The following APLP2 variants were observed in gnomAD, a reference collection of about 807,000 sequenced individuals.
APLP2 encodes the protein amyloid beta precursor like protein 2.
APLP2 carries 53 observed loss-of-function variants against 89.9 expected under a neutral mutation model. The observed-to-expected ratio is 0.59, with a 90% CI of 0.47 to 0.74. The LOEUF is 0.74. Ranked by LOEUF, APLP2 falls within the 30% of genes least tolerant of loss-of-function variation. The pLI, the probability that APLP2 is intolerant of heterozygous loss-of-function variation, is 0.00. For missense variants in APLP2, 973 were observed against 975.9 expected (o/e 1.00, Z 0.04); for synonymous variants, 372 against 348.6 (o/e 1.07, Z -0.75).
chr11:130,120,451 G>C (rs1484669456), intron 3 of APLP2, among the ~76,000 whole-genome samples: 2 of 152,162 alleles, frequency 1.3e-5, no homozygotes, highest in African/African-American at 4.8e-5. Context: ...TGTTGCTGTA[G>C]CCCTGCAGTG....
intron 1 of APLP2, among the ~76,000 whole-genome samples, chr11:130,107,068 G>A (rs532883928): frequency 7.9e-5 from 12 of 152,282 alleles, no homozygotes; most frequent in African/African-American, 2.6e-4. Context: ...CACTTTTTGT[G>A]AGTTTTAACT....
At chr11:130,080,077 T>C (rs1942895018) in intron 1 of APLP2, among the ~76,000 whole-genome samples, 1 of 152,216 alleles carries the variant, frequency 6.6e-6, no homozygotes, top group African/African-American at 2.4e-5. Context: ...TGCAAAAATT[T>C]TGTTCAGGAG....
intron 11 of APLP2, among the ~76,000 whole-genome samples, chr11:130,132,399 C>T (rs567111056): frequency 8.1e-4 from 123 of 152,116 alleles, no homozygotes; most frequent in Non-Finnish European, 1.4e-3. Flanking sequence ...TGGCTTCAGG[C>T]CCACATAATT....
rs79696487 is a variant in APLP2 at position 130,129,874 on chromosome 11, G to A, written c.1456-164G>A. 2.2e-4 allele frequency among the ~76,000 whole-genome samples: 33 copies of A among 152,298 alleles called. No individual in the cohort carries two copies. In the East Asian group the frequency reaches 5.4e-3, roughly 25 times the overall value. On this transcript the variant is annotated intron_variant, in intron 10 of 16. Transcript: ENST00000338167. Reference sequence around the variant, plus strand: ...TTAGTTTTGCTATTTTACCTAGACAGTTTTTTTGTTACTTGGTAAGCTAAA... The same window carrying A: ...TTAGTTTTGCTATTTTACCTAGACAATTTTTTTGTTACTTGGTAAGCTAAA...
At position 130,123,384 on chromosome 11, in the gene APLP2, G is replaced by A. The variant is rs113873777; in HGVS notation, c.923-228G>A. ...CTAAACTCAGATCTAGACTCCAGAG[G>A]GTGCCAAAAAAATATTTATCCCAGT... is the stretch of plus-strand genomic sequence containing the variant. On this transcript the variant is annotated intron_variant, in intron 6 of 16. Transcript: ENST00000338167. The surrounding 1 kb of genome is among the most constrained non-coding windows in gnomAD (Gnocchi z 4.0). Among the ~76,000 whole-genome samples, 2,315 of 152,212 alleles carry A rather than the reference G, an allele frequency of 0.015. 56 individuals are homozygous for A. Among genetic ancestry groups the A allele is most frequent in the African/African-American group, 0.053 (2,187 of 41,526 alleles).
rs1950548389 is a variant in APLP2, at chr11:130,127,847, T to C, written c.1296+7T>C. On this transcript the variant is annotated splice_region_variant and intron_variant, in intron 9 of 16. Transcript: ENST00000338167. ...GAGGCAGACTCTGATTCAGGTAAGA[T>C]GCCTTCTCTGGGGACATAGCTTTCA... 1 of 1,612,920 alleles carries C rather than the reference T, an allele frequency of 6.2e-7. No homozygotes were observed. Among genetic ancestry groups the C allele is most frequent in the African/African-American group, 1.3e-5 (1 of 74,904 alleles).
chr11:130,078,085 T>G (rs538684908), intron 1 of APLP2, among the ~76,000 whole-genome samples: 25 of 152,340 alleles, frequency 1.6e-4, no homozygotes, highest in African/African-American at 6.0e-4. Context: ...CCTCTGACTT[T>G]ATGGTATCAC....
rs199711028 is a variant in APLP2, at chr11:130,135,197, A to AT, written c.1685-361dup. On this transcript the variant is annotated intron_variant, in intron 12 of 16. Transcript: ENST00000338167. ...CCGAGAGTAGATTTGAGGTATTCTT[A>AT]TTTTTAAAAAAAAGTAATTCTGGAA... 5.0e-3 allele frequency among the ~76,000 whole-genome samples: 754 copies of AT among 152,220 alleles called. 23 individuals are homozygous for AT. The highest frequency in any genetic ancestry group is 0.046 in the Admixed American group (705 of 15,290).
rs778569404 is a variant in APLP2 at position 130,069,933 on chromosome 11, A to G, written c.-45A>G. 1.9e-5 allele frequency: 26 copies of G among 1,394,414 alleles called. No homozygotes were observed. The African/African-American group carries it at 3.3e-4, about 18-fold the overall frequency. The allele number at this position is 1,394,414 out of a possible 1,614,324, so 86.4% of individuals were successfully genotyped here. ...CGCGGTGTGCTAAGCGAGGAGTCCG[A>G]GTGTGTGAGCTTGAGAGCCGCGCGC... On this transcript the variant is annotated 5_prime_UTR_variant, in exon 1 of 17. Transcript: ENST00000338167.
At chr11:130,083,836 G>GTA (rs1426117861) in intron 1 of APLP2, among the ~76,000 whole-genome samples, 1 of 152,144 alleles carries the variant, frequency 6.6e-6, no homozygotes, top group Non-Finnish European at 1.5e-5. Flanking sequence ...TTCTTTTGCT[G>GTA]TATACCCAGG....
intron 3 of APLP2, among the ~76,000 whole-genome samples, chr11:130,116,141 C>T (rs1012256208): frequency 3.7e-4 from 56 of 151,352 alleles, no homozygotes. Context: ...TTTAGGGATA[C>T]ATACATCTTT....
chr11:130,081,483 T>G (rs1275475646), intron 1 of APLP2, among the ~76,000 whole-genome samples: 2 of 152,350 alleles, frequency 1.3e-5, no homozygotes, highest in Admixed American at 6.5e-5. Flanking sequence ...TTTATTTTAT[T>G]GATAAGCACA....
At chr11:130,091,535 G>T (rs1945197178) in intron 1 of APLP2, among the ~76,000 whole-genome samples, 1 of 143,132 alleles carries the variant, frequency 7.0e-6, no homozygotes, top group African/African-American at 2.7e-5. Context: ...GGCTGGCCGG[G>T]CGGGGGGCTG....
chr11:130,143,265 C>A, intron 16 of APLP2, 82 bp from the exon 17 acceptor site: 1 of 1,289,280 alleles, frequency 7.8e-7, no homozygotes, highest in Non-Finnish European at 1.1e-6. Context: ...GGGGATTGTG[C>A]AGCAAATGGC....
intron 7 of APLP2, among the ~76,000 whole-genome samples, chr11:130,124,220 TG>T (rs976314240): frequency 9.2e-5 from 14 of 152,212 alleles, no homozygotes; most frequent in African/African-American, 2.7e-4. Flanking sequence ...TGCCAGCTCA[TG>T]GGGCGCCTCC....
chr11:130,074,113 A>T (rs1309752072), intron 1 of APLP2, among the ~76,000 whole-genome samples: 1 of 152,206 alleles, frequency 6.6e-6, no homozygotes, highest in South Asian at 2.1e-4. Flanking sequence ...TTTAACATTG[A>T]TACAATACTT....
At chr11:130,070,962 C>T (rs1423634262) in intron 1 of APLP2, among the ~76,000 whole-genome samples, 3 of 152,084 alleles carry the variant, frequency 2.0e-5, no homozygotes, top group East Asian at 1.9e-4. Context: ...GCGGGGTCCG[C>T]GGTGCGGGCC....
At position 130,123,698 on chromosome 11, in the gene APLP2, C is replaced by T. The variant is rs369336732; in HGVS notation, c.1009C>T (p.Arg337Cys). 4.3e-6 allele frequency: 7 copies of T among 1,614,152 alleles called. No homozygotes were observed. In the South Asian group the frequency reaches 4.4e-5, roughly 10 times the overall value. ...CGACCTCTCCAAGGGAAAGTGCGTG[C>T]GCTTTATATATGGTGGCTGCGGCGG... ...YFDLSKGKCV[R>C]FIYGGCGGNR... Residue 337 changes from arginine to cysteine, a missense_variant, in exon 7 of 17, where the codon CGC (arginine) becomes TGC (cysteine). Physicochemically the swap from Arg to Cys is radical, Grantham distance 180. Coordinates refer to ENST00000338167, the MANE Select transcript of APLP2 (RefSeq NM_001142276.2). The surrounding 1 kb of genome is among the most constrained non-coding windows in gnomAD (Gnocchi z 4.0).
intron 13 of APLP2, among the ~76,000 whole-genome samples, chr11:130,136,257 A>T (rs1181794132): frequency 6.6e-6 from 1 of 152,202 alleles, no homozygotes; most frequent in East Asian, 1.9e-4. Flanking sequence ...CAAGTTGCTG[A>T]GACCAGTGCC....
Sources: allele counts gnomAD v4.1 joint callset (sites outside exome capture counted in the v4.1 genomes callset), GRCh38; gene constraint gnomAD v4.1.1; non-coding constraint Gnocchi (gnomAD v3.1); transcripts MANE v1.5; gene names NCBI Gene and HGNC (gene_info 2026-07-23, HGNC 2026-07-21).